The following DOP1B variants were observed in gnomAD, a reference collection of about 807,000 sequenced individuals.
DOP1B encodes protein DOP1B.
DOP1B carries 174 observed loss-of-function variants against 233.5 expected under a neutral mutation model. The observed-to-expected ratio is 0.75, with a 90% CI of 0.66 to 0.85. The LOEUF (loss-of-function observed/expected upper bound fraction) is 0.85. Among genes scored for constraint, DOP1B ranks in the 40% least tolerant of loss-of-function variants. The pLI is 0.00. For synonymous variants in DOP1B, 1,190 were observed against 1,185.6 expected, an observed-to-expected ratio of 1.00 and a Z score of -0.08; for missense variants, 2,652 against 2,846.6, an observed-to-expected ratio of 0.93 and a Z score of 1.56.
intron 18 of DOP1B, among the ~76,000 whole-genome samples, chr21:36,244,019 C>CTTTTTTTTTTTTTTTTTTTTTTTTTT (rs35020490): frequency 2.8e-5 from 2 of 70,580 alleles, no homozygotes; most frequent in Non-Finnish European, 4.9e-5. Context: ...TTTTCCTTTC[C>CTTTTTTTTTTTTTTTTTTTTTTTTTT]TTTTTTTTTT....
At chr21:36,256,773 A>AC (rs1455677484) in intron 23 of DOP1B, among the ~76,000 whole-genome samples, 4 of 152,082 alleles carry the variant, frequency 2.6e-5, no homozygotes, top group East Asian at 1.9e-4. Flanking sequence ...GGAAAAAAAA[A>AC]AACAACTGTG....
chr21:36,210,874 A>G (rs1466695314), intron 5 of DOP1B, among the ~76,000 whole-genome samples: 1 of 152,214 alleles, frequency 6.6e-6, no homozygotes, highest in African/African-American at 2.4e-5. Context: ...TCCAAGCTCA[A>G]GAGCATTCTA....
chr21:36,170,238 A>G, intron 2 of DOP1B: 1 of 363,360 alleles, frequency 2.8e-6, no homozygotes, highest in South Asian at 2.8e-5. Flanking sequence ...GCATTTCCCT[A>G]ATGACTAATA....
chr21:36,169,429 C>G (rs935882368), intron 2 of DOP1B: 6 of 1,017,436 alleles, frequency 5.9e-6, no homozygotes, highest in Non-Finnish European at 7.8e-6. Flanking sequence ...CAATCCAGGC[C>G]ACCTTGCACA....
intron 11 of DOP1B, among the ~76,000 whole-genome samples, chr21:36,224,213 G>A (rs2066656868): frequency 6.6e-6 from 1 of 151,404 alleles, no homozygotes; most frequent in Non-Finnish European, 1.5e-5. Flanking sequence ...TCACTGGCAC[G>A]ATCCCAGCTC....
chr21:36,274,539 G>A (rs1394175446), intron 27 of DOP1B, among the ~76,000 whole-genome samples: 1 of 152,150 alleles, frequency 6.6e-6, no homozygotes, highest in Non-Finnish European at 1.5e-5. Flanking sequence ...ACTGAGGTGG[G>A]TGAACCAAGA....
rs2067219336 is a variant in DOP1B, at chr21:36,265,367, G to A, written c.5487+1553G>A. 2.0e-5 allele frequency among the ~76,000 whole-genome samples: 3 copies of A among 152,214 alleles called. No homozygotes were observed. The South Asian group carries it at 6.2e-4, about 31-fold the overall frequency. ...GCCGAGATCTCACCACCGTACTCCA[G>A]CCTGGGCAACAAGCGTGAAACTTCG... On this transcript the variant is annotated intron_variant, in intron 26 of 36. Coordinates refer to ENST00000691173, the MANE Select transcript of DOP1B (RefSeq NM_001320714.2).
chr21:36,277,928 C>T (rs755842460), intron 28 of DOP1B, 47 bp from the exon 29 acceptor site: 10 of 1,490,220 alleles, frequency 6.7e-6, no homozygotes, highest in African/African-American at 1.4e-5. Flanking sequence ...AGGTGTGAGC[C>T]GTCGCACCTG....
rs138853046 is a variant in DOP1B, at chr21:36,289,024, C to T, written c.6354-21C>T. 381 of 1,609,228 alleles carry T rather than the reference C, an allele frequency of 2.4e-4. 2 individuals are homozygous for T. The East Asian group carries it at 8.1e-3, about 34-fold the overall frequency. On this transcript the variant is annotated intron_variant, in intron 34 of 36. Transcript: ENST00000691173. Reference sequence around the variant, plus strand: ...CAGATCTGAATGAATTTATAACAAGCGTTTCTTTGCAAATTTATAGAAGCA... The same window carrying T: ...CAGATCTGAATGAATTTATAACAAGTGTTTCTTTGCAAATTTATAGAAGCA...
rs533768807 is a variant in DOP1B at position 36,167,199 on chromosome 21, G to C, written c.138+2328G>C. 1.3e-4 allele frequency among the ~76,000 whole-genome samples: 20 copies of C among 152,234 alleles called. No individual in the cohort carries two copies. The East Asian group carries it at 3.5e-3, about 26-fold the overall frequency. ...TTCTTTTCTTTTTCTTTTTGAAACAGTCTTGCTCTGTCACCCAGGCTGGAG... is the reference window on the plus strand; with the variant it reads ...TTCTTTTCTTTTTCTTTTTGAAACACTCTTGCTCTGTCACCCAGGCTGGAG... On this transcript the variant is annotated intron_variant, in intron 2 of 36. Transcript: ENST00000691173.
chr21:36,224,832 C>T (rs2066663750), intron 11 of DOP1B, among the ~76,000 whole-genome samples: 2 of 151,808 alleles, frequency 1.3e-5, no homozygotes, highest in Non-Finnish European at 2.9e-5. Flanking sequence ...TTCTAGGCAA[C>T]TCAGGTGCTG....
chr21:36,286,489 AG>A lies in DOP1B; in HGVS notation c.6161-1524del, dbSNP rs1156611155. Among the ~76,000 whole-genome samples the A allele has an allele frequency of 2.0e-5, 3 of 151,914 alleles. No individual in the cohort carries two copies. The East Asian group carries it at 5.8e-4, about 29-fold the overall frequency. On this transcript the variant is annotated intron_variant, in intron 32 of 36. Transcript: ENST00000691173. The stretch of plus-strand genomic sequence containing the variant: ...ATATCTACTAAAAATACCAAAAATT[AG>A]CTGGGTGTGGTGGTGGGTGCCTATA...
intron 4 of DOP1B, 85 bp from the exon 5 acceptor site, chr21:36,208,630 C>T: frequency 7.0e-7 from 1 of 1,419,612 alleles, no homozygotes; most frequent in Non-Finnish European, 9.5e-7. Context: ...CGCTGTGGTT[C>T]TTCATGCAGC....
intron 28 of DOP1B, among the ~76,000 whole-genome samples, chr21:36,277,472 G>A (rs567147505): frequency 4.6e-5 from 7 of 151,766 alleles, no homozygotes; most frequent in Admixed American, 2.0e-4. Context: ...TAGTAGAGAC[G>A]GGGTTTCACT....
intron 23 of DOP1B, among the ~76,000 whole-genome samples, chr21:36,255,171 C>T (rs542556925): frequency 1.4e-4 from 22 of 151,916 alleles, no homozygotes; most frequent in African/African-American, 4.6e-4. Flanking sequence ...CTCACTTTGT[C>T]GCCCAGGCTG....
At chr21:36,263,009 T>A (rs9974965) in intron 24 of DOP1B, among the ~76,000 whole-genome samples, 8 of 151,204 alleles carry the variant, frequency 5.3e-5, no homozygotes, top group Non-Finnish European at 1.0e-4. Context: ...CCGAGGCGGG[T>A]GGATCACCTG....
chr21:36,219,458 C>G lies in DOP1B; in HGVS notation c.1216C>G (p.Leu406Val), dbSNP rs746422278. 3.9e-5 allele frequency: 63 copies of G among 1,614,036 alleles called. No homozygotes were observed. The highest frequency in any genetic ancestry group is 6.8e-6 in the Non-Finnish European group (8 of 1,180,012). Residue 406 changes from leucine (L) to valine (V), a missense_variant, in exon 10 of 37, where the codon CTT (leucine) becomes GTT (valine). Around this residue, in one of 3 missense-constraint regions of DOP1B, gnomAD observed 2,617 missense variants for 2,794.3 expected, o/e 0.94. Coordinates refer to ENST00000691173, the MANE Select transcript of DOP1B (RefSeq NM_001320714.2). ...AGATGCCCTTGGCTCTGATCTTAAA[C>G]TTAGCTACACCCAGAGTGGAAATTC... ...CRDALGSDLK[L>V]SYTQSGNSLI... is the part of the protein sequence containing the mutation.
In DOP1B at chr21:36,246,604, G is replaced by C; in HGVS notation, c.4624G>C (p.Val1542Leu). 1 of 1,614,130 alleles carries C rather than the reference G, an allele frequency of 6.2e-7. No homozygotes were observed. The highest frequency in any genetic ancestry group is 8.5e-7 in the Non-Finnish European group (1 of 1,180,046). The change falls in exon 19 of 37, where the codon GTT (valine) becomes CTT (leucine). Residue 1542 changes from valine (V) to leucine (L), a missense_variant. Around this residue, in one of 3 missense-constraint regions of DOP1B, gnomAD observed 2,617 missense variants for 2,794.3 expected, o/e 0.94. Transcript: ENST00000691173. This position sits in a 1 kb window ranked among gnomAD's most constrained non-coding sequence, Gnocchi z 5.1. ...KSLGWTVTPF[V>L]VQICKNLDDL... ...CCTGGGCTGGACGGTGACACCCTTT[G>C]TTGTCCAGATTTGCAAAAACTTGGA...
chr21:36,192,179 C>G (rs2066241156), intron 2 of DOP1B, among the ~76,000 whole-genome samples: 1 of 151,900 alleles, frequency 6.6e-6, no homozygotes, highest in African/African-American at 2.4e-5. Context: ...GGCAACATGG[C>G]GAAACCCCAT....
Sources: allele counts gnomAD v4.1 joint callset (sites outside exome capture counted in the v4.1 genomes callset), GRCh38; gene constraint gnomAD v4.1.1; regional missense constraint gnomAD v4.1.1; non-coding constraint Gnocchi (gnomAD v3.1); transcripts MANE v1.5; gene names NCBI Gene and HGNC (gene_info 2026-07-23, HGNC 2026-07-21).